The following LTF variants were observed in gnomAD, a reference collection of about 807,000 sequenced individuals.
LTF encodes lactotransferrin, also known as epididymis luminal protein 110.
In LTF, 91 loss-of-function variants were observed where a neutral mutation model predicts 87.2. That is an observed-to-expected ratio of 1.04 (90% CI 0.88 to 1.24). The LOEUF (loss-of-function observed/expected upper bound fraction) is 1.24, where lower values mean the gene tolerates loss of function less well. Among genes scored for constraint, LTF ranks in the 50% most tolerant of loss-of-function variants. The pLI is 0.00. For missense variants in LTF, 901 were observed against 904.3 expected (o/e 1.00, Z 0.05); for synonymous variants, 378 against 356.1 (o/e 1.06, Z -0.69).
At chr3:46,439,198 G>C in intron 15 of LTF, 98 bp downstream of exon 15, 1 of 1,167,552 alleles carries the variant, frequency 8.6e-7, no homozygotes, top group Non-Finnish European at 1.2e-6. Flanking sequence ...TAGAGGACTA[G>C]AGAGGATCGA....
Position 46,455,788 on chromosome 3 carries a change from C to T in LTF, c.499+8G>A, listed in dbSNP as rs766255138. The T allele has an allele frequency of 3.9e-6, 6 of 1,555,078 alleles. No individual in the cohort carries two copies. The highest frequency in any genetic ancestry group is 1.2e-5 in the South Asian group (1 of 80,970). ...CTGAGGCCACTCACTATCCCCCAGC[C>T]ATCTTACCTGCCTCAATGGGCTCAG... On this transcript the variant is annotated splice_region_variant and intron_variant, in intron 4 of 16. Transcript: ENST00000231751.
chr3:46,481,355 C>T (rs1381230303), intron 1 of LTF, among the ~76,000 whole-genome samples: 6 of 152,176 alleles, frequency 3.9e-5, no homozygotes, highest in Admixed American at 2.0e-4. Context: ...ATGAACTTTG[C>T]TTTAAAACCC....
At chr3:46,466,832 C>T (rs1219505271), upstream of LTF, among the ~76,000 whole-genome samples, 1 of 152,228 alleles carries the variant, frequency 6.6e-6, no homozygotes, top group East Asian at 1.9e-4. Context: ...GGCAACAAGA[C>T]TTTGCCTTTT....
At chr3:46,471,613 T>C (rs912384962) in intron 1 of LTF, among the ~76,000 whole-genome samples, 1 of 152,128 alleles carries the variant, frequency 6.6e-6, no homozygotes, top group Non-Finnish European at 1.5e-5. Flanking sequence ...AAGCCCTGCA[T>C]AAAGGTACAC....
At position 46,445,401 on chromosome 3, in the gene LTF, T is replaced by C. The variant is rs373847047; in HGVS notation, c.1393A>G (p.Thr465Ala). The change falls in exon 12 of 17, where the codon ACT (threonine) becomes GCT (alanine). Residue 465 changes from threonine to alanine, a missense_variant. Transcript: ENST00000231751. ...LAVAVVRRSDTSLTWNSVKGK... is the reference protein window; with the variant it reads ...LAVAVVRRSDASLTWNSVKGK... ...TTCACAGAGTTCCAGGTAAGGCTAG[T>C]GTCTGATCTCCTAACCACCGCCACA... 1 of 1,613,756 alleles carries C rather than the reference T, an allele frequency of 6.2e-7. No individual in the cohort carries two copies. The highest frequency in any genetic ancestry group is 8.5e-7 in the Non-Finnish European group (1 of 1,179,828).
intron 9 of LTF, among the ~76,000 whole-genome samples, chr3:46,448,321 C>T (rs553386009): frequency 4.6e-5 from 7 of 151,494 alleles, no homozygotes; most frequent in African/African-American, 1.2e-4. Context: ...GAGATGTGGT[C>T]GCACCACTGC....
chr3:46,444,516 G>T (rs1482427190), intron 12 of LTF, among the ~76,000 whole-genome samples: 1 of 152,252 alleles, frequency 6.6e-6, no homozygotes, highest in East Asian at 1.9e-4. Flanking sequence ...TGCTGGAAGA[G>T]CCACACTATG....
chr3:46,439,287 G>A lies in LTF; in HGVS notation c.1908+9C>T. Reference sequence around the variant, plus strand: ...GCTAAGAAAGCACTAGAAGCCCTGTGGTCCATACCTGTTGGTGGAGCAACA... The same window carrying A: ...GCTAAGAAAGCACTAGAAGCCCTGTAGTCCATACCTGTTGGTGGAGCAACA... On this transcript the variant is annotated intron_variant, in intron 15 of 16. Transcript: ENST00000231751. 1 of 1,601,744 alleles carries A rather than the reference G, an allele frequency of 6.2e-7. No homozygotes were observed. The highest frequency in any genetic ancestry group is 1.1e-5 in the South Asian group (1 of 89,364).
At chr3:46,464,969 C>T, upstream of LTF, 1 of 1,134,084 alleles carries the variant, frequency 8.8e-7, no homozygotes, top group Non-Finnish European at 1.3e-6. Flanking sequence ...GCCCAATAGA[C>T]ACCCCTTCCC....
chr3:46,464,961 C>T, upstream of LTF: 1 of 1,223,018 alleles, frequency 8.2e-7, no homozygotes, highest in South Asian at 1.3e-5. Context: ...GCCCTGTTGC[C>T]CAATAGACAC....
At chr3:46,456,213 TC>T in intron 3 of LTF, 76 bp downstream of exon 3, 1 of 1,256,368 alleles carries the variant, frequency 8.0e-7, no homozygotes. Context: ...CTCCACATGT[TC>T]CCCCAGTCTT....
chr3:46,446,505 A>G lies in LTF; in HGVS notation c.1304-12T>C. ...GCTTTGTTGGGATTCTGAAAGAATA[A>G]AGACAAGCCAGACATCATTATCCAT... is the stretch of plus-strand genomic sequence containing the variant. On this transcript the variant is annotated splice_polypyrimidine_tract_variant and intron_variant, in intron 10 of 16. Transcript: ENST00000231751. 6.2e-7 allele frequency: 1 copy of G among 1,612,802 alleles called. No individual in the cohort carries two copies. The highest frequency in any genetic ancestry group is 8.5e-7 in the Non-Finnish European group (1 of 1,178,870).
chr3:46,472,527 T>TGTGTGA (rs1402389714), intron 1 of LTF, among the ~76,000 whole-genome samples: 115 of 130,820 alleles, frequency 8.8e-4, no homozygotes, highest in African/African-American at 2.9e-3. Flanking sequence ...TGTGTGTGTG[T>TGTGTGA]GAGAGAGAGA....
chr3:46,475,532 AC>A (rs1703349700), intron 1 of LTF, among the ~76,000 whole-genome samples: 1 of 134,846 alleles, frequency 7.4e-6, no homozygotes. Context: ...ACACACACAC[AC>A]ACACACACAC....
At position 46,480,442 on chromosome 3, in the gene LTF, G is replaced by A. The variant is rs115363597; in HGVS notation, c.-320+4544C>T. Among the ~76,000 whole-genome samples, 1,028 of 152,280 alleles carry A rather than the reference G, an allele frequency of 6.8e-3. 9 individuals carry two copies. Among genetic ancestry groups the A allele is most frequent in the Non-Finnish European group, 0.012 (806 of 68,008 alleles). On this transcript the variant is annotated intron_variant, in intron 1 of 19. Transcript: ENST00000443496. ...ATGGATTGTCATGCCCTTGGCTGCA[G>A]GGACCTGCCACTCTCCTGCCTTATT...
At chr3:46,472,801 G>A (rs1360785746) in intron 1 of LTF, among the ~76,000 whole-genome samples, 2 of 152,086 alleles carry the variant, frequency 1.3e-5, no homozygotes, top group East Asian at 3.9e-4. Flanking sequence ...CCCCATTTGT[G>A]AAGGAAACTC....
At chr3:46,456,077 G>T in intron 3 of LTF, 99 bp from the exon 4 acceptor site, 2 of 1,178,100 alleles carry the variant, frequency 1.7e-6, no homozygotes, top group South Asian at 1.6e-5. Flanking sequence ...GGAATGCTGT[G>T]CTGCAGTTTC....
At chr3:46,443,979 C>A (rs1424415653) in intron 12 of LTF, among the ~76,000 whole-genome samples, 1 of 152,122 alleles carries the variant, frequency 6.6e-6, no homozygotes, top group Non-Finnish European at 1.5e-5. Context: ...GTGCTTGGCC[C>A]TTTGGTATAA....
rs2073495 is a variant in LTF at position 46,439,467 on chromosome 3, C to G, written c.1737G>C (p.Glu579Asp). ...VLQNTDGNNN[E>D]AWAKDLKLAD... Reference sequence around the variant, plus strand: ...CCAGCTTCAAATCCTTAGCCCATGCCTCATTGTTATTTCCTGGGGAGAAAA... The same window carrying G: ...CCAGCTTCAAATCCTTAGCCCATGCGTCATTGTTATTTCCTGGGGAGAAAA... The change falls in exon 15 of 17, where the codon GAG (glutamate) becomes GAC (aspartate). Residue 579 changes from glutamate (E) to aspartate (D), a missense_variant. Coordinates refer to ENST00000231751, the MANE Select transcript of LTF (RefSeq NM_002343.6). 506,276 of 1,608,494 alleles carry G rather than the reference C, an allele frequency of 0.31. 82,871 individuals are homozygous for G. Among genetic ancestry groups the G allele is most frequent in the Admixed American group, 0.39 (23,130 of 59,018 alleles).
Sources: allele counts gnomAD v4.1 joint callset (sites outside exome capture counted in the v4.1 genomes callset), GRCh38; gene constraint gnomAD v4.1.1; transcripts MANE v1.5; gene names NCBI Gene and HGNC (gene_info 2026-07-23, HGNC 2026-07-21).